Variants in MTUS2 observed in about 807,000 individuals in gnomAD.
MTUS2 encodes microtubule associated scaffold protein 2.
Under a neutral mutation model 114.1 loss-of-function variants are expected in MTUS2, and 40 were observed. That is an observed-to-expected ratio of 0.35 (90% confidence interval 0.27 to 0.46). The LOEUF (loss-of-function observed/expected upper bound fraction) is 0.46. Among genes scored for constraint, MTUS2 ranks in the 20% least tolerant of loss-of-function variants. MTUS2 has a pLI of 1.00. For synonymous variants in MTUS2, 688 were observed against 672.0 expected, an observed-to-expected ratio of 1.02 and a Z score of -0.37; for missense variants, 1,679 against 1,705.4, an observed-to-expected ratio of 0.98 and a Z score of 0.27.
intron 2 of MTUS2, among the ~76,000 whole-genome samples, chr13:29,021,393 T>C (rs1886285600): frequency 6.6e-6 from 1 of 152,234 alleles, no homozygotes; most frequent in Admixed American, 6.5e-5. Flanking sequence ...ACATTTATGA[T>C]GTAGTTCCTT....
intron 2 of MTUS2, among the ~76,000 whole-genome samples, chr13:28,891,210 C>T (rs1878902646): frequency 6.6e-6 from 1 of 152,126 alleles, no homozygotes; most frequent in African/African-American, 2.4e-5. Context: ...CTGGAAGCAG[C>T]CAATGTCTTC....
intron 5 of MTUS2, among the ~76,000 whole-genome samples, chr13:29,176,734 T>A (rs1893789895): frequency 6.9e-6 from 1 of 144,970 alleles, no homozygotes; most frequent in South Asian, 2.1e-4. Context: ...CTTAATACTA[T>A]CACATTGAGA....
intron 2 of MTUS2, among the ~76,000 whole-genome samples, chr13:28,846,055 A>AT (rs1555267189): frequency 0.072 from 10,233 of 143,076 alleles, 428 homozygotes; most frequent in Non-Finnish European, 0.083. Context: ...TTAAAAAAAA[A>AT]ATATATATAT....
chr13:29,115,114 A>G (rs994882812), intron 5 of MTUS2, among the ~76,000 whole-genome samples: 3 of 152,218 alleles, frequency 2.0e-5, no homozygotes, highest in African/African-American at 7.2e-5. Context: ...ATCTGCTGGC[A>G]GGTACTATTA....
intron 2 of MTUS2, among the ~76,000 whole-genome samples, chr13:28,918,906 T>C (rs2138044151): frequency 6.6e-6 from 1 of 152,228 alleles, no homozygotes; most frequent in South Asian, 2.1e-4. Context: ...TTTAAACTGA[T>C]GACAGCTTAA....
intron 5 of MTUS2, among the ~76,000 whole-genome samples, chr13:29,249,390 C>T (rs1041409646): frequency 7.9e-5 from 12 of 152,302 alleles, no homozygotes; most frequent in Middle Eastern, 3.4e-3. Flanking sequence ...ACCATACTGT[C>T]TTCCACAATG....
At chr13:29,031,237 G>GTGTGTGTGTGTGTGTGTGTGT (rs1555287203) in intron 3 of MTUS2, among the ~76,000 whole-genome samples, 1 of 122,886 alleles carries the variant, frequency 8.1e-6, no homozygotes, top group East Asian at 2.3e-4. Flanking sequence ...AGAACTAATA[G>GTGTGTGTGTGTGTGTGTGTGT]GTGTGTGTGT....
chr13:28,961,320 C>T (rs529119762), intron 2 of MTUS2, among the ~76,000 whole-genome samples: 11 of 152,158 alleles, frequency 7.2e-5, no homozygotes, highest in Middle Eastern at 3.4e-3. Context: ...AAGAAATCCA[C>T]ACCAGAACAT....
intron 5 of MTUS2, among the ~76,000 whole-genome samples, chr13:29,150,951 G>A (rs998713626): frequency 3.3e-5 from 5 of 152,084 alleles, no homozygotes; most frequent in African/African-American, 1.2e-4. Flanking sequence ...CTATAGCCTT[G>A]TATAGTTTGA....
intron 7 of MTUS2, among the ~76,000 whole-genome samples, chr13:29,337,870 C>T (rs1164822289): frequency 6.6e-6 from 1 of 150,678 alleles, no homozygotes; most frequent in Non-Finnish European, 1.5e-5. Flanking sequence ...CTCACTGCAA[C>T]TTCTGCCTCC....
intron 2 of MTUS2, among the ~76,000 whole-genome samples, chr13:28,991,185 C>A (rs1884835189): frequency 6.6e-6 from 1 of 152,200 alleles, no homozygotes; most frequent in Admixed American, 6.5e-5. Context: ...TTTAAGACTG[C>A]TGCTATGTTA....
chr13:29,167,365 ACT>A (rs1395475671), intron 5 of MTUS2, among the ~76,000 whole-genome samples: 1 of 150,634 alleles, frequency 6.6e-6, no homozygotes, highest in Non-Finnish European at 1.5e-5. Context: ...ACAGAGCAAG[ACT>A]CTATCTCAGA....
chr13:29,490,432 A>G (rs1378050158), intron 11 of MTUS2, among the ~76,000 whole-genome samples: 1 of 152,228 alleles, frequency 6.6e-6, no homozygotes, highest in Non-Finnish European at 1.5e-5. Context: ...ATGAAAACAA[A>G]TTGCTTGTGT....
At chr13:28,942,450 A>G (rs1022020263) in intron 2 of MTUS2, among the ~76,000 whole-genome samples, 1 of 152,240 alleles carries the variant, frequency 6.6e-6, no homozygotes, top group African/African-American at 2.4e-5. Context: ...TAGACTAGTA[A>G]TTACATTTTT....
chr13:28,897,328 G>T (rs1879339724), intron 2 of MTUS2, among the ~76,000 whole-genome samples: 1 of 152,172 alleles, frequency 6.6e-6, no homozygotes, highest in Admixed American at 6.5e-5. Flanking sequence ...TCAGAGAAAT[G>T]CAAATCAAAA....
At chr13:29,364,210 A>G (rs1870512786) in intron 8 of MTUS2, among the ~76,000 whole-genome samples, 1 of 152,224 alleles carries the variant, frequency 6.6e-6, no homozygotes, top group South Asian at 2.1e-4. Flanking sequence ...CATAAAAAAA[A>G]TACTATGTGC....
chr13:28,957,533 T>C (rs572134139), intron 2 of MTUS2, among the ~76,000 whole-genome samples: 1 of 152,350 alleles, frequency 6.6e-6, no homozygotes, highest in East Asian at 1.9e-4. Flanking sequence ...TAATACAGAA[T>C]AACAACTATT....
At chr13:29,028,378 G>C (rs370727971) in intron 3 of MTUS2, among the ~76,000 whole-genome samples, 1 of 152,034 alleles carries the variant, frequency 6.6e-6, no homozygotes, top group Admixed American at 6.6e-5. Flanking sequence ...AGATCATCCT[G>C]TCTCTAACAC....
At chr13:29,415,790 A>G (rs1047725050) in intron 8 of MTUS2, among the ~76,000 whole-genome samples, 1 of 151,878 alleles carries the variant, frequency 6.6e-6, no homozygotes, top group Admixed American at 6.6e-5. Context: ...TATCTGCTTT[A>G]CTCTTCAATT....
Sources: gnomAD v4.1 joint callset for allele counts (sites outside exome capture counted in the v4.1 genomes callset) on GRCh38, gnomAD v4.1.1 for gene constraint, MANE v1.5 for transcripts, NCBI Gene and HGNC (gene_info 2026-07-23, HGNC 2026-07-21) for gene names.